The following CACNB2 variants were observed in gnomAD, a reference collection of about 807,000 sequenced individuals.
The protein encoded by CACNB2 is calcium voltage-gated channel auxiliary subunit beta 2.
A neutral mutation model predicts 73.3 loss-of-function variants in CACNB2; 42 were observed. The ratio of observed to expected loss-of-function variants is 0.57; its 90% confidence interval spans 0.45 to 0.74. The LOEUF is 0.74. Ranked by LOEUF, CACNB2 falls within the 30% of genes least tolerant of loss-of-function variation. CACNB2 has a pLI of 0.00. For synonymous variants in CACNB2, 348 were observed against 310.3 expected (o/e 1.12, Z -1.28); for missense variants, 940 against 853.0 (o/e 1.10, Z -1.27).
At chr10:18,179,039 A>C (rs555303082) in intron 2 of CACNB2, among the ~76,000 whole-genome samples, 18 of 152,182 alleles carry the variant, frequency 1.2e-4, no homozygotes, top group Non-Finnish European at 1.2e-4. Context: ...TGAGATATTC[A>C]CATAAACAAA....
intron 1 of CACNB2, among the ~76,000 whole-genome samples, chr10:18,146,476 AT>A (rs59522345): frequency 0.32 from 46,305 of 145,958 alleles, 7,152 homozygotes; most frequent in East Asian, 0.45. Context: ...CGGCCAGCTA[AT>A]TTTTTTTTTT....
At chr10:18,197,778 C>T (rs531639943) in intron 2 of CACNB2, among the ~76,000 whole-genome samples, 1 of 152,106 alleles carries the variant, frequency 6.6e-6, no homozygotes, top group Admixed American at 6.6e-5. Flanking sequence ...AAAAAACAGT[C>T]AGATCAACGT....
chr10:18,374,828 C>G (rs987907889), intron 2 of CACNB2, among the ~76,000 whole-genome samples: 2 of 152,126 alleles, frequency 1.3e-5, no homozygotes, highest in Admixed American at 6.6e-5. Flanking sequence ...CAGCCTCCTT[C>G]CCAGTTTTCA....
chr10:18,314,069 A>G (rs1164823802), intron 2 of CACNB2, among the ~76,000 whole-genome samples: 1 of 152,188 alleles, frequency 6.6e-6, no homozygotes, highest in Non-Finnish European at 1.5e-5. Context: ...TTAGCCTTTT[A>G]TGGTCAATGA....
chr10:18,503,827 C>T (rs1162049923), intron 5 of CACNB2, among the ~76,000 whole-genome samples: 2 of 152,054 alleles, frequency 1.3e-5, no homozygotes, highest in Non-Finnish European at 2.9e-5. Flanking sequence ...TAGAAAGTTA[C>T]TTCAGGATTT....
At chr10:18,344,910 A>G (rs1198519734) in intron 2 of CACNB2, among the ~76,000 whole-genome samples, 2 of 152,232 alleles carry the variant, frequency 1.3e-5, no homozygotes, top group Admixed American at 6.5e-5. Context: ...ACAAGCATAC[A>G]TATTTTTATA....
At chr10:18,237,412 G>A (rs1307806754) in intron 2 of CACNB2, among the ~76,000 whole-genome samples, 1 of 152,182 alleles carries the variant, frequency 6.6e-6, no homozygotes, top group Admixed American at 6.5e-5. Flanking sequence ...AAAGGTGGAG[G>A]CAGAGATGGG....
chr10:18,269,401 A>G (rs1227980831), intron 2 of CACNB2, among the ~76,000 whole-genome samples: 1 of 152,012 alleles, frequency 6.6e-6, no homozygotes, highest in African/African-American at 2.4e-5. Context: ...ATTTCTCCTA[A>G]TCTACATATG....
intron 2 of CACNB2, among the ~76,000 whole-genome samples, chr10:18,221,115 G>A (rs983720498): frequency 4.6e-5 from 7 of 152,220 alleles, no homozygotes; most frequent in African/African-American, 1.7e-4. Context: ...GCAGGGGGCA[G>A]CCAGGCCACT....
intron 1 of CACNB2, among the ~76,000 whole-genome samples, chr10:18,143,009 C>G (rs2030581916): frequency 6.6e-6 from 1 of 152,194 alleles, no homozygotes; most frequent in African/African-American, 2.4e-5. Flanking sequence ...AGTTGGTAAG[C>G]AGTCGTACAT....
chr10:18,336,821 T>TA (rs1033288558), intron 2 of CACNB2, among the ~76,000 whole-genome samples: 2 of 152,248 alleles, frequency 1.3e-5, no homozygotes, highest in African/African-American at 4.8e-5. Flanking sequence ...CAAAGGGTTC[T>TA]AATTTCCCTA....
chr10:18,266,288 T>C (rs2037796119), intron 2 of CACNB2, among the ~76,000 whole-genome samples: 2 of 152,164 alleles, frequency 1.3e-5, no homozygotes, highest in Admixed American at 6.5e-5. Flanking sequence ...AGTCTGAGGA[T>C]GGTCAAACTG....
chr10:18,313,368 G>A (rs1236019724), intron 2 of CACNB2, among the ~76,000 whole-genome samples: 2 of 150,312 alleles, frequency 1.3e-5, no homozygotes, highest in East Asian at 1.9e-4. Context: ...TGGCCCCTAC[G>A]TACTAGACGC....
chr10:18,181,410 G>A (rs938010882), intron 2 of CACNB2, among the ~76,000 whole-genome samples: 2 of 152,010 alleles, frequency 1.3e-5, no homozygotes, highest in Non-Finnish European at 2.9e-5. Context: ...TGTAGCCCTG[G>A]TTAAACCTCT....
chr10:18,368,698 G>T (rs960694080), intron 2 of CACNB2, among the ~76,000 whole-genome samples: 2 of 151,844 alleles, frequency 1.3e-5, no homozygotes, highest in African/African-American at 4.8e-5. Context: ...GAGTATTTTA[G>T]GAATACAAAC....
intron 2 of CACNB2, among the ~76,000 whole-genome samples, chr10:18,167,897 C>T (rs539860351): frequency 6.6e-6 from 1 of 152,244 alleles, no homozygotes; most frequent in Admixed American, 6.5e-5. Flanking sequence ...GTTTACTACA[C>T]CAGTGAAGCT....
chr10:18,452,566 C>T (rs1210677366), intron 3 of CACNB2, among the ~76,000 whole-genome samples: 2 of 152,110 alleles, frequency 1.3e-5, no homozygotes, highest in African/African-American at 2.4e-5. Context: ...ATTTTAAAGT[C>T]AGGGTCTTGC....
intron 2 of CACNB2, among the ~76,000 whole-genome samples, chr10:18,367,064 T>C (rs2132261588): frequency 6.6e-6 from 1 of 152,348 alleles, no homozygotes; most frequent in South Asian, 2.1e-4. Flanking sequence ...TGTACTACGA[T>C]GACGATGAGC....
At chr10:18,206,082 G>A (rs1564342736) in intron 2 of CACNB2, 1 of 152,496 alleles carries the variant, frequency 6.6e-6, no homozygotes, top group Non-Finnish European at 1.5e-5. Context: ...CCACCTCTCG[G>A]GTTCAAGTGA....
Sources: allele counts gnomAD v4.1 joint callset (sites outside exome capture counted in the v4.1 genomes callset), GRCh38; gene constraint gnomAD v4.1.1; transcripts MANE v1.5; gene names NCBI Gene and HGNC (gene_info 2026-07-23, HGNC 2026-07-21).